STPG2: variants seen among roughly 807,000 people sequenced by gnomAD.
STPG2 encodes sperm-tail PG-rich repeat-containing protein 2.
A neutral mutation model predicts 54.2 loss-of-function variants in STPG2; 56 were observed. The ratio of observed to expected loss-of-function variants is 1.03; its 90% CI spans 0.83 to 1.29. The LOEUF is 1.29. Among genes scored for constraint, STPG2 ranks in the 50% most tolerant of loss-of-function variants. The probability of loss-of-function intolerance (pLI) is 0.00; values close to 1 mark genes in which losing one functional copy is unlikely to be tolerated. For synonymous variants in STPG2, 200 were observed against 181.8 expected (o/e 1.10, Z -0.81); for missense variants, 596 against 544.9 (o/e 1.09, Z -0.93).
intron 2 of STPG2, among the ~76,000 whole-genome samples, chr4:98,130,284 TC>T (rs1413300971): frequency 3.3e-5 from 5 of 152,082 alleles, no homozygotes; most frequent in Non-Finnish European, 7.4e-5. Context: ...CAAGTGATTC[TC>T]GTGCCTCAGC....
chr4:97,864,987 C>A (rs753072286), intron 8 of STPG2, among the ~76,000 whole-genome samples: 73 of 152,144 alleles, frequency 4.8e-4, no homozygotes, highest in Non-Finnish European at 7.6e-4. Flanking sequence ...ACCATAAAAA[C>A]CCTAGAAGAA....
chr4:98,109,064 A>G (rs1739269865), intron 4 of STPG2, 129 bp downstream of exon 4: 1 of 522,294 alleles, frequency 1.9e-6, no homozygotes, highest in Non-Finnish European at 3.3e-6. Context: ...ACATTACACC[A>G]AAATGTAATA....
At chr4:97,863,171 A>T (rs1161633100) in intron 8 of STPG2, among the ~76,000 whole-genome samples, 1 of 152,206 alleles carries the variant, frequency 6.6e-6, no homozygotes, top group African/African-American at 2.4e-5. Context: ...AGTTTTTTGA[A>T]AAGATCAATG....
At chr4:97,886,294 C>G (rs1730566743) in intron 8 of STPG2, among the ~76,000 whole-genome samples, 1 of 152,138 alleles carries the variant, frequency 6.6e-6, no homozygotes, top group South Asian at 2.1e-4. Context: ...AAAAATAAAA[C>G]ATTTATTTGA....
intron 5 of STPG2, among the ~76,000 whole-genome samples, chr4:98,020,412 C>T (rs1237683833): frequency 6.2e-5 from 9 of 146,330 alleles, no homozygotes; most frequent in East Asian, 3.9e-4. Context: ...CTGCTGGATT[C>T]GGTTTGCCAG....
Position 97,710,169 on chromosome 4 carries a change from C to T in STPG2, c.1320+2530G>A, listed in dbSNP as rs73834173. Among the ~76,000 whole-genome samples, 1,086 of 151,828 alleles carry T rather than the reference C, an allele frequency of 7.2e-3. 13 individuals carry two copies. Among genetic ancestry groups the T allele is most frequent in the African/African-American group, 0.025 (1,017 of 41,462 alleles). ...TTCTCCCTAGCTTTTATTAGATCTTCAAAAAGGTCAATGATAGTAATCCAA... is the reference window on the plus strand; with the variant it reads ...TTCTCCCTAGCTTTTATTAGATCTTTAAAAAGGTCAATGATAGTAATCCAA... On this transcript the variant is annotated intron_variant, in intron 10 of 10. Coordinates refer to ENST00000295268, the MANE Select transcript of STPG2 (RefSeq NM_174952.3).
intron 10 of STPG2, among the ~76,000 whole-genome samples, chr4:97,589,836 C>A (rs993036233): frequency 1.3e-5 from 2 of 152,168 alleles, no homozygotes; most frequent in Non-Finnish European, 2.9e-5. Flanking sequence ...TTTAGACACA[C>A]AAACACTTAC....
chr4:98,072,895 G>A (rs2555391), intron 5 of STPG2, among the ~76,000 whole-genome samples: 1 of 152,148 alleles, frequency 6.6e-6, no homozygotes, highest in Non-Finnish European at 1.5e-5. Context: ...AGTTCCACAC[G>A]TATTAGTCGT....
intron 10 of STPG2, among the ~76,000 whole-genome samples, chr4:97,659,823 A>T (rs1411592441): frequency 1.3e-5 from 2 of 152,196 alleles, no homozygotes; most frequent in African/African-American, 4.8e-5. Flanking sequence ...GTGGACACAT[A>T]TTTTAAAATA....
At chr4:98,046,811 C>T (rs551681243) in intron 5 of STPG2, among the ~76,000 whole-genome samples, 2 of 152,294 alleles carry the variant, frequency 1.3e-5, no homozygotes, top group Admixed American at 6.5e-5. Flanking sequence ...CTTTTTGTCA[C>T]CCCTGGCTTC....
intron 5 of STPG2, among the ~76,000 whole-genome samples, chr4:98,070,194 G>A (rs1737958325): frequency 6.6e-6 from 1 of 151,980 alleles, no homozygotes; most frequent in Non-Finnish European, 1.5e-5. Flanking sequence ...TCATCCTCAA[G>A]TTGCAAGGTT....
chr4:97,463,808 A>T (rs529170436), intron 4 of STPG2, among the ~76,000 whole-genome samples: 10 of 152,292 alleles, frequency 6.6e-5, no homozygotes, highest in Middle Eastern at 3.4e-3. Flanking sequence ...ATCAATATTG[A>T]TACGTTACTG....
chr4:97,537,400 C>G (rs1369221042), intron 4 of STPG2, among the ~76,000 whole-genome samples: 1 of 152,186 alleles, frequency 6.6e-6, no homozygotes, highest in Non-Finnish European at 1.5e-5. Context: ...GGATTATATC[C>G]TGTGCAAGGC....
intron 10 of STPG2, among the ~76,000 whole-genome samples, chr4:97,569,191 G>A (rs1183256357): frequency 6.6e-6 from 1 of 152,182 alleles, no homozygotes; most frequent in South Asian, 2.1e-4. Context: ...TCCTGGAACT[G>A]AAGTTTTCTC....
intron 5 of STPG2, among the ~76,000 whole-genome samples, chr4:98,070,014 A>T (rs760789193): frequency 1.3e-5 from 2 of 151,768 alleles, no homozygotes; most frequent in African/African-American, 4.8e-5. Flanking sequence ...AAAAGGAGGG[A>T]CTCCTACCTG....
intron 9 of STPG2, among the ~76,000 whole-genome samples, chr4:97,768,166 C>CAAA (rs35923469): frequency 3.2e-5 from 4 of 126,976 alleles, no homozygotes; most frequent in Admixed American, 8.4e-5. Context: ...GACTCCGTCT[C>CAAA]AAAAAAAAAA....
chr4:97,914,386 A>G (rs1174072644), intron 8 of STPG2, among the ~76,000 whole-genome samples: 2 of 152,214 alleles, frequency 1.3e-5, no homozygotes, highest in African/African-American at 4.8e-5. Context: ...CACCAGGAAA[A>G]TAAAATACTA....
rs188394060 is a variant in STPG2 at position 97,531,100 on chromosome 4, A to T, written c.462+181599T>A. ...GCAAATGGCAAGCAGGTATATGAAA[A>T]GATGTTCAACAGCATTGAAATTATC... On this transcript the variant is annotated intron_variant, in intron 4 of 4. Coordinates refer to the STPG2 transcript ENST00000522676. 2.6e-3 allele frequency among the ~76,000 whole-genome samples: 390 copies of T among 152,366 alleles called. 2 individuals carry two copies. The highest frequency in any genetic ancestry group is 8.6e-3 in the African/African-American group (358 of 41,588).
intron 1 of STPG2, among the ~76,000 whole-genome samples, chr4:98,138,997 C>G (rs192768922): frequency 7.6e-4 from 115 of 152,190 alleles, no homozygotes; most frequent in African/African-American, 2.6e-3. Context: ...ATGTTTTTAT[C>G]ACATTATACT....
Sources: allele counts gnomAD v4.1 joint callset (sites outside exome capture counted in the v4.1 genomes callset), GRCh38; gene constraint gnomAD v4.1.1; transcripts MANE v1.5; gene names NCBI Gene and HGNC (gene_info 2026-07-23, HGNC 2026-07-21).